The following TTC17 variants were observed in gnomAD, a reference collection of about 807,000 sequenced individuals.
TTC17 encodes tetratricopeptide repeat domain 17.
Under a neutral mutation model 143.8 loss-of-function variants are expected in TTC17, and 58 were observed. The ratio of observed to expected loss-of-function variants is 0.40; its 90% CI spans 0.33 to 0.50. The LOEUF (loss-of-function observed/expected upper bound fraction) is 0.50, where lower values mean the gene tolerates loss of function less well. Among genes scored for constraint, TTC17 ranks in the 20% least tolerant of loss-of-function variants. The pLI is 0.49. For missense variants in TTC17, 1,273 were observed against 1,392.5 expected (o/e 0.91, Z 1.37); for synonymous variants, 501 against 497.8 (o/e 1.01, Z -0.09).
chr11:43,419,155 A>C (rs1339407501), intron 16 of TTC17, among the ~76,000 whole-genome samples: 2 of 152,360 alleles, frequency 1.3e-5, no homozygotes. Context: ...CTACTTAAAA[A>C]AATTGGCCCA....
chr11:43,450,167 C>T lies in TTC17; in HGVS notation c.2872C>T (p.His958Tyr), dbSNP rs1947629990. The T allele has an allele frequency of 1.2e-6, 2 of 1,614,202 alleles. No homozygotes were observed. The highest frequency in any genetic ancestry group is 1.7e-6 in the Non-Finnish European group (2 of 1,180,030). Residue 958 changes from histidine (H) to tyrosine (Y), a missense_variant, in exon 20 of 24, where the codon CAT (histidine) becomes TAT (tyrosine). Transcript: ENST00000039989. ...LCNGNLPTSM[H>Y]TLDHLHGVSN... ...CAATGGCAATCTCCCCACGAGTATG[C>T]ATACCCTGGACCACTTGCATGGGGT...
rs200113077 is a variant in TTC17 at position 43,464,459 on chromosome 11, C to T, written c.3030+13194C>T. Among the ~76,000 whole-genome samples the T allele has an allele frequency of 9.2e-5, 14 of 152,058 alleles. No individual in the cohort carries two copies. The East Asian group carries it at 1.9e-3, about 21-fold the overall frequency. ...TCCTAATAGACTCAAAATTCATACA[C>T]ACTAAGGAAAAAGATGAATAACTAA... On this transcript the variant is annotated intron_variant, in intron 21 of 23. Transcript: ENST00000039989.
intron 21 of TTC17, among the ~76,000 whole-genome samples, chr11:43,468,587 C>A (rs1163757203): frequency 6.6e-6 from 1 of 152,012 alleles, no homozygotes; most frequent in African/African-American, 2.4e-5. Flanking sequence ...TAGGCAGAGA[C>A]TTCTTAGAAA....
chr11:43,427,150 A>G (rs1947048099), intron 16 of TTC17, among the ~76,000 whole-genome samples: 1 of 152,198 alleles, frequency 6.6e-6, no homozygotes, highest in Admixed American at 6.5e-5. Flanking sequence ...TAAATATCAT[A>G]CTTACTACGT....
chr11:43,424,131 C>T (rs1464865588), intron 16 of TTC17, among the ~76,000 whole-genome samples: 5 of 148,472 alleles, frequency 3.4e-5, no homozygotes, highest in Non-Finnish European at 7.4e-5. Context: ...TCGCTCTTGT[C>T]GCCCAGGCTA....
At chr11:43,466,455 T>A (rs1386587566) in intron 21 of TTC17, 2 of 175,162 alleles carry the variant, frequency 1.1e-5, no homozygotes, top group African/African-American at 4.8e-5. Flanking sequence ...ACACATCTCC[T>A]TTCAGCTATT....
At chr11:43,446,369 G>T (rs1468556247) in intron 18 of TTC17, 1 of 242,394 alleles carries the variant, frequency 4.1e-6, no homozygotes, top group African/African-American at 2.3e-5. Context: ...TTTTCCTGTT[G>T]TATTGTAATG....
intron 11 of TTC17, among the ~76,000 whole-genome samples, chr11:43,405,214 T>C (rs965628549): frequency 6.6e-6 from 1 of 151,942 alleles, no homozygotes; most frequent in Non-Finnish European, 1.5e-5. Flanking sequence ...TTTGTTCATA[T>C]GTAACGTAAG....
intron 1 of TTC17, among the ~76,000 whole-genome samples, chr11:43,366,653 T>G (rs1279134888): frequency 1.3e-5 from 2 of 152,198 alleles, no homozygotes; most frequent in African/African-American, 4.8e-5. Flanking sequence ...TTTAATAGTT[T>G]GGTGCATATC....
At chr11:43,419,381 A>G (rs549438797) in intron 16 of TTC17, among the ~76,000 whole-genome samples, 22 of 152,366 alleles carry the variant, frequency 1.4e-4, no homozygotes, top group South Asian at 1.0e-3. Context: ...TTCTGTATTT[A>G]TAGCATCTAT....
intron 1 of TTC17, among the ~76,000 whole-genome samples, chr11:43,361,792 A>G (rs1206371241): frequency 6.6e-6 from 1 of 152,212 alleles, no homozygotes; most frequent in East Asian, 1.9e-4. Flanking sequence ...AAAGTGACCT[A>G]CTACCAGGCA....
chr11:43,379,966 A>G (rs534691627), intron 2 of TTC17, among the ~76,000 whole-genome samples: 34 of 152,290 alleles, frequency 2.2e-4, no homozygotes, highest in Non-Finnish European at 4.7e-4. Flanking sequence ...CTCTGCTTTA[A>G]AGTTACAGTG....
rs142600859 is a variant in TTC17 at position 43,393,528 on chromosome 11, C to T, written c.663+1576C>T. ...AAACTCTGTTGTTTAAGGGTTTCTA[C>T]GGAGGTTTCACTATGTAAGCATTAT... On this transcript the variant is annotated intron_variant, in intron 5 of 23. Transcript: ENST00000039989. Among the ~76,000 whole-genome samples, 32 of 152,200 alleles carry T rather than the reference C, an allele frequency of 2.1e-4. No homozygotes were observed. In the East Asian group the frequency reaches 4.8e-3, roughly 23 times the overall value.
intron 9 of TTC17, among the ~76,000 whole-genome samples, chr11:43,400,419 T>G (rs1234931529): frequency 1.3e-5 from 2 of 151,964 alleles, no homozygotes; most frequent in Admixed American, 1.3e-4. Flanking sequence ...GGCCTGAGAG[T>G]CTGCCTTCCT....
At chr11:43,487,389 G>A (rs1948400812) in intron 21 of TTC17, among the ~76,000 whole-genome samples, 1 of 152,104 alleles carries the variant, frequency 6.6e-6, no homozygotes, top group Non-Finnish European at 1.5e-5. Flanking sequence ...CACGTGATCT[G>A]CCTTCTTTGG....
At chr11:43,386,703 A>T (rs760968784) in intron 2 of TTC17, among the ~76,000 whole-genome samples, 2 of 152,244 alleles carry the variant, frequency 1.3e-5, no homozygotes, top group African/African-American at 4.8e-5. Flanking sequence ...TGCCATGCAT[A>T]TAACTCATAG....
chr11:43,476,270 G>T (rs1055220885), intron 21 of TTC17, among the ~76,000 whole-genome samples: 6 of 152,226 alleles, frequency 3.9e-5, no homozygotes, highest in Non-Finnish European at 7.3e-5. Flanking sequence ...ACAACAGGTT[G>T]TATCAAAAGA....
At position 43,456,179 on chromosome 11, in the gene TTC17, AACACACACACAC is replaced by A. The variant is rs57261729; in HGVS notation, c.3030+4937_3030+4948del. Among the ~76,000 whole-genome samples, 36 of 146,314 alleles carry A rather than the reference AACACACACACAC, an allele frequency of 2.5e-4. No homozygotes were observed. In the East Asian group the frequency reaches 5.4e-3, roughly 22 times the overall value. On this transcript the variant is annotated intron_variant, in intron 21 of 23. Transcript: ENST00000039989. ...GAATTGATACTTTTCTTAGCACAATAACACACACACACACACACACACACACACACACACCAC... is the reference window on the plus strand; with the variant it reads ...GAATTGATACTTTTCTTAGCACAATAACACACACACACACACACACACCAC...
At position 43,391,568 on chromosome 11, in the gene TTC17, C is replaced by T; in HGVS notation, c.523C>T (p.His175Tyr). The part of the protein sequence containing the change: ...ELPYSIHAFQ[H>Y]LRGVQERVNL... Reference sequence around the variant, plus strand: ...TCCATATAGTATACATGCTTTTCAGCACTTGAGAGTAAGTAGAGAACTTTA... The same window carrying T: ...TCCATATAGTATACATGCTTTTCAGTACTTGAGAGTAAGTAGAGAACTTTA... The change falls in exon 4 of 24, where the codon CAC (histidine) becomes TAC (tyrosine). Residue 175 changes from histidine (H) to tyrosine (Y), a missense_variant. Physicochemically the swap from His to Tyr is moderately conservative, Grantham distance 83 (BLOSUM62 2). Coordinates refer to ENST00000039989, the MANE Select transcript of TTC17 (RefSeq NM_018259.6). The T allele has an allele frequency of 6.4e-7, 1 of 1,562,766 alleles. No individual in the cohort carries two copies. Among genetic ancestry groups the T allele is most frequent in the Non-Finnish European group, 8.6e-7 (1 of 1,160,954 alleles).
Sources: gnomAD v4.1 joint callset for allele counts (sites outside exome capture counted in the v4.1 genomes callset) on GRCh38, gnomAD v4.1.1 for gene constraint, MANE v1.5 for transcripts, NCBI Gene and HGNC (gene_info 2026-07-23, HGNC 2026-07-21) for gene names.